Variants in RRP1B observed in about 807,000 individuals in gnomAD.
The protein encoded by RRP1B is ribosomal RNA processing 1B.
Under a neutral mutation model 80.2 loss-of-function variants are expected in RRP1B, and 56 were observed. The ratio of observed to expected loss-of-function variants is 0.70; its 90% confidence interval spans 0.56 to 0.87. The LOEUF (loss-of-function observed/expected upper bound fraction) is 0.87. Among genes scored for constraint, RRP1B ranks in the 40% least tolerant of loss-of-function variants. The probability of loss-of-function intolerance (pLI) is 0.00; values close to 1 mark genes in which losing one functional copy is unlikely to be tolerated. For synonymous variants in RRP1B, 351 were observed against 357.6 expected, an observed-to-expected ratio of 0.98 and a Z score of 0.21; for missense variants, 807 against 939.8, an observed-to-expected ratio of 0.86 and a Z score of 1.85.
intron 13 of RRP1B, 88 bp from the exon 14 acceptor site, chr21:43,690,200 G>C (rs1193541467): frequency 1.2e-5 from 18 of 1,488,588 alleles, no homozygotes; most frequent in Non-Finnish European, 1.6e-5. Flanking sequence ...TCTGCCTGGG[G>C]CTCTGCCTTC....
In RRP1B at chr21:43,683,252, ATTTGGTC is replaced by A; in HGVS notation, c.797-21_797-15del. On this transcript the variant is annotated intron_variant, in intron 8 of 15. Coordinates refer to ENST00000340648, the MANE Select transcript of RRP1B (RefSeq NM_015056.3). ...CTTCTGTGTATTTGATATGTCAATA[ATTTGGTC>A]TTTGGGTATATTTTGACAGCACTGG... 6.4e-7 allele frequency: 1 copy of A among 1,560,978 alleles called. No individual in the cohort carries two copies. Among genetic ancestry groups the A allele is most frequent in the South Asian group, 1.1e-5 (1 of 89,930 alleles).
rs200722979 is a variant in RRP1B, at chr21:43,693,352, G to A, written c.2246G>A (p.Arg749Lys). 2.0e-5 allele frequency: 32 copies of A among 1,602,266 alleles called. No homozygotes were observed. The Admixed American group carries it at 2.3e-4, about 11-fold the overall frequency. ...AAGAAGCCCCTGACCACCACACCAA[G>A]GAGAAGGCCCAGGGCTATGGATTTC... ...VAKKPLTTTP[R>K]RRPRAMDFF Residue 749 changes from arginine (R) to lysine (K), a missense_variant, in exon 16 of 16, where the codon AGG (arginine) becomes AAG (lysine). Coordinates refer to ENST00000340648, the MANE Select transcript of RRP1B (RefSeq NM_015056.3). This position sits in a 1 kb window ranked among gnomAD's most constrained non-coding sequence, Gnocchi z 4.1.
At position 43,659,934 on chromosome 21, in the gene RRP1B, G is replaced by A. The variant is rs2082942846; in HGVS notation, c.130+140G>A. The A allele has an allele frequency of 2.0e-6, 2 of 977,220 alleles. No individual in the cohort carries two copies. The highest frequency in any genetic ancestry group is 2.8e-6 in the Non-Finnish European group (2 of 720,592). 60.5% of individuals were successfully genotyped at this position (977,220 alleles called of 1,614,324 possible). On this transcript the variant is annotated intron_variant, in intron 1 of 15. Transcript: ENST00000340648. This position sits in a 1 kb window ranked among gnomAD's most constrained non-coding sequence, Gnocchi z 4.2. ...CGTGTGCTTCGGTTTCCGCGCTGCC[G>A]GAACCGCTTCTTGCTGTGTCTAGTG...
At chr21:43,674,523 C>G (rs2083013150) in intron 4 of RRP1B, 113 bp from the exon 5 acceptor site, 1 of 749,418 alleles carries the variant, frequency 1.3e-6, no homozygotes, top group African/African-American at 1.8e-5. Context: ...TTTTGGGATC[C>G]AGGCCATAAC....
intron 3 of RRP1B, 30 bp downstream of exon 3, chr21:43,672,395 C>A: frequency 6.3e-7 from 1 of 1,592,920 alleles, no homozygotes; most frequent in Non-Finnish European, 8.6e-7. Context: ...CTCCTTCCTT[C>A]CAAGTTTTCC....
At position 43,684,577 on chromosome 21, in the gene RRP1B, C is replaced by A. The variant is rs1175860221; in HGVS notation, c.916C>A (p.Arg306=). The change falls in exon 10 of 16, where the codon CGA becomes AGA. Residue 306 remains arginine (R), a synonymous_variant. Coordinates refer to ENST00000340648, the MANE Select transcript of RRP1B (RefSeq NM_015056.3). ...GTTTGACTATAAGGCTGTTGCTGAT[C>A]GACTCCTGGAAATGACCAGCAGGAA... is the stretch of plus-strand genomic sequence containing the variant. ...LQFDYKAVAD[R]LLEMTSRKNT... The A allele has an allele frequency of 6.2e-7, 1 of 1,613,942 alleles. No homozygotes were observed. The highest frequency in any genetic ancestry group is 8.5e-7 in the Non-Finnish European group (1 of 1,179,982).
Position 43,687,705 on chromosome 21 carries a change from C to T in RRP1B, c.1331C>T (p.Ala444Val). 6.2e-7 allele frequency: 1 copy of T among 1,610,898 alleles called. No individual in the cohort carries two copies. The highest frequency in any genetic ancestry group is 1.7e-4 in the Middle Eastern group (1 of 6,044). Residue 444 changes from alanine (A) to valine (V), a missense_variant, in exon 13 of 16, where the codon GCC (alanine) becomes GTC (valine). Transcript: ENST00000340648. Reference sequence around the variant, plus strand: ...CTGAAAGCCCTGAAGGCACGTGTGGCCGAGCCAGGTGCAGAGGCCACGTCC... The same window carrying T: ...CTGAAAGCCCTGAAGGCACGTGTGGTCGAGCCAGGTGCAGAGGCCACGTCC... ...SGLKALKARV[A>V]EPGAEATSST...
intron 8 of RRP1B, among the ~76,000 whole-genome samples, chr21:43,678,455 G>A (rs987884222): frequency 4.6e-5 from 7 of 152,060 alleles, no homozygotes; most frequent in South Asian, 2.1e-4. Flanking sequence ...CACCGCGCCC[G>A]GCCACCAACA....
chr21:43,674,465 G>GT (rs1329221223), intron 4 of RRP1B, among the ~76,000 whole-genome samples, 171 bp from the exon 5 acceptor site: 2 of 150,694 alleles, frequency 1.3e-5, no homozygotes, highest in Non-Finnish European at 2.9e-5. Context: ...CTATGAATAT[G>GT]TTTTTTGATC....
intron 9 of RRP1B, 45 bp downstream of exon 9, chr21:43,683,418 G>A (rs753358225): frequency 6.7e-7 from 1 of 1,486,734 alleles, no homozygotes; most frequent in Non-Finnish European, 9.4e-7. Flanking sequence ...ATTTGCTGTG[G>A]AGTAGCCTGA....
chr21:43,680,306 TC>T (rs1313303918), intron 8 of RRP1B, among the ~76,000 whole-genome samples: 1 of 152,060 alleles, frequency 6.6e-6, no homozygotes, highest in Non-Finnish European at 1.5e-5. Flanking sequence ...AGGCCCGTAA[TC>T]CCAGCACTTT....
chr21:43,690,201 C>A, intron 13 of RRP1B, 87 bp from the exon 14 acceptor site: 1 of 1,490,842 alleles, frequency 6.7e-7, no homozygotes, highest in Non-Finnish European at 9.1e-7. Flanking sequence ...CTGCCTGGGG[C>A]TCTGCCTTCC....
intron 10 of RRP1B, among the ~76,000 whole-genome samples, chr21:43,685,352 CTT>C (rs1185171731): frequency 6.6e-6 from 1 of 152,238 alleles, no homozygotes; most frequent in Non-Finnish European, 1.5e-5. Flanking sequence ...TTCGATGCGT[CTT>C]GTTTGTTCTA....
In RRP1B at chr21:43,659,618, G is replaced by C; in HGVS notation, c.-47G>C. On this transcript the variant is annotated 5_prime_UTR_variant, in exon 1 of 16. Transcript: ENST00000340648. This position sits in a 1 kb window ranked among gnomAD's most constrained non-coding sequence, Gnocchi z 4.2. ...GCTGCTCCGCAGCGCTCGGCTGGCT[G>C]CAGCGGCACCGCGGGTTGCGCGGCC... 1 of 1,406,620 alleles carries C rather than the reference G, an allele frequency of 7.1e-7. No individual in the cohort carries two copies. Among genetic ancestry groups the C allele is most frequent in the East Asian group, 3.1e-5 (1 of 32,780 alleles). The allele number at this position is 1,406,620 out of a possible 1,614,324, so 87.1% of individuals were successfully genotyped here.
At chr21:43,688,276 G>A in intron 13 of RRP1B, 36 bp downstream of exon 13, 5 of 1,489,768 alleles carry the variant, frequency 3.4e-6, no homozygotes, top group Non-Finnish European at 4.5e-6. Flanking sequence ...GCTCGCCACA[G>A]AGGCACTCAC....
chr21:43,685,864 C>T lies in RRP1B; in HGVS notation c.1009+75C>T, dbSNP rs545484037. ...CCCCACTGGGGGCGTTGATGCCAAA[C>T]GCTGAGAAACAAGATTGAAAGAACT... On this transcript the variant is annotated intron_variant, in intron 11 of 15. Coordinates refer to ENST00000340648, the MANE Select transcript of RRP1B (RefSeq NM_015056.3). 3.1e-4 allele frequency: 464 copies of T among 1,516,152 alleles called. 3 individuals are homozygous for T. The highest frequency in any genetic ancestry group is 1.7e-4 in the South Asian group (13 of 76,278). 93.9% of individuals were successfully genotyped at this position (1,516,152 alleles called of 1,614,324 possible). A position where few individuals can be genotyped will look rare whatever the true frequency, so the allele number is the denominator to read the frequency against.
In RRP1B at chr21:43,693,469, G is replaced by C; in HGVS notation, c.*86G>C. On this transcript the variant is annotated 3_prime_UTR_variant, in exon 16 of 16. Transcript: ENST00000340648. The surrounding 1 kb of genome is among the most constrained non-coding windows in gnomAD (Gnocchi z 4.1). The stretch of plus-strand genomic sequence containing the variant: ...TTTAAGAATGTGGGGCCTTTTTTAT[G>C]ATTTTGTAAGTTCCCATAAGTTGTG... 1 of 1,303,826 alleles carries C rather than the reference G, an allele frequency of 7.7e-7. No homozygotes were observed. Among genetic ancestry groups the C allele is most frequent in the Non-Finnish European group, 1.0e-6 (1 of 983,512 alleles). The allele number at this position is 1,303,826 out of a possible 1,614,324, so 80.8% of individuals were successfully genotyped here. A position where few individuals can be genotyped will look rare whatever the true frequency, so the allele number is the denominator to read the frequency against.
At chr21:43,670,163 A>T (rs1157375639) in intron 2 of RRP1B, among the ~76,000 whole-genome samples, 197 bp downstream of exon 2, 1 of 152,244 alleles carries the variant, frequency 6.6e-6, no homozygotes, top group Non-Finnish European at 1.5e-5. Context: ...CTTTTCAAAT[A>T]AAAGGAAAGA....
chr21:43,692,001 C>T (rs1049756263), intron 15 of RRP1B, among the ~76,000 whole-genome samples: 1 of 152,126 alleles, frequency 6.6e-6, no homozygotes, highest in African/African-American at 2.4e-5. Flanking sequence ...GTCCCTCATC[C>T]TCAAAGGGCT....
Sources: allele counts gnomAD v4.1 joint callset (sites outside exome capture counted in the v4.1 genomes callset), GRCh38; gene constraint gnomAD v4.1.1; non-coding constraint Gnocchi (gnomAD v3.1); transcripts MANE v1.5; gene names NCBI Gene and HGNC (gene_info 2026-07-23, HGNC 2026-07-21).